DSCAML1: variants seen among roughly 807,000 people sequenced by gnomAD.
The protein encoded by DSCAML1 is DS cell adhesion molecule like 1.
A neutral mutation model predicts 200.5 loss-of-function variants in DSCAML1; 38 were observed. The ratio of observed to expected loss-of-function variants is 0.19; its 90% CI spans 0.15 to 0.25. The LOEUF (loss-of-function observed/expected upper bound fraction) is 0.25, where lower values mean the gene tolerates loss of function less well. Ranked by LOEUF, DSCAML1 falls within the 10% of genes least tolerant of loss-of-function variation. The pLI is 1.00. For synonymous variants in DSCAML1, 1,215 were observed against 1,165.0 expected, an observed-to-expected ratio of 1.04 and a Z score of -0.87; for missense variants, 2,223 against 2,858.8, an observed-to-expected ratio of 0.78 and a Z score of 5.07.
At chr11:117,495,112 C>G (rs1168214813) in intron 11 of DSCAML1, among the ~76,000 whole-genome samples, 1 of 152,168 alleles carries the variant, frequency 6.6e-6, no homozygotes, top group East Asian at 1.9e-4. Context: ...GTAGCCAAGC[C>G]TCTGCCCCAT....
intron 11 of DSCAML1, among the ~76,000 whole-genome samples, chr11:117,497,909 T>A (rs1207389502): frequency 6.6e-6 from 1 of 152,226 alleles, no homozygotes; most frequent in East Asian, 1.9e-4. Flanking sequence ...TGCTTGCAGA[T>A]GCAGCAGAGA....
intron 3 of DSCAML1, among the ~76,000 whole-genome samples, chr11:117,577,594 C>G (rs1194320752): frequency 1.4e-5 from 2 of 143,464 alleles, no homozygotes; most frequent in South Asian, 2.3e-4. Context: ...TTTGACGGAG[C>G]CTCGCTCTGT....
intron 3 of DSCAML1, among the ~76,000 whole-genome samples, chr11:117,664,316 G>A (rs1471615895): frequency 6.6e-6 from 1 of 152,208 alleles, no homozygotes; most frequent in African/African-American, 2.4e-5. Context: ...TTTCTGAGCA[G>A]GTATTTTTAT....
rs1291019267 is a variant in DSCAML1, at chr11:117,645,245, G to A, written c.512-112723C>T. Among the ~76,000 whole-genome samples, 3 of 152,154 alleles carry A rather than the reference G, an allele frequency of 2.0e-5. No individual in the cohort carries two copies. The East Asian group carries it at 5.8e-4, about 29-fold the overall frequency. On this transcript the variant is annotated intron_variant, in intron 3 of 32. Transcript: ENST00000651296. ...CCCTCCCAGTTTGATGGATAAGAAC[G>A]AGTTCCAGAGAGAGAAAGGGGGTTT... is the stretch of plus-strand genomic sequence containing the variant.
intron 20 of DSCAML1, among the ~76,000 whole-genome samples, chr11:117,448,636 T>TG (rs138755967): frequency 0.18 from 14,553 of 80,704 alleles, 1,001 homozygotes; most frequent in Middle Eastern, 0.27. Context: ...TGTGTGTGTG[T>TG]GTGGGGGGTG....
intron 3 of DSCAML1, 106 bp downstream of exon 3, chr11:117,776,685 A>C: frequency 7.2e-7 from 1 of 1,385,076 alleles, no homozygotes; most frequent in East Asian, 2.3e-5. Context: ...CCCAGAGCCA[A>C]CCTCAAGATC....
At chr11:117,663,810 AGAAG>A (rs1290849797) in intron 3 of DSCAML1, among the ~76,000 whole-genome samples, 1 of 152,232 alleles carries the variant, frequency 6.6e-6, no homozygotes, top group Non-Finnish European at 1.5e-5. Context: ...GAAAAAAGAA[AGAAG>A]GAAGGAAAAC....
rs1382518224 is a variant in DSCAML1 at position 117,780,300 on chromosome 11, GAA to G, written c.364+191_364+192del. Among the ~76,000 whole-genome samples the G allele has an allele frequency of 8.0e-5, 9 of 112,034 alleles. No homozygotes were observed. The East Asian group carries it at 8.4e-4, about 10-fold the overall frequency. 73.5% of individuals were successfully genotyped at this position (112,034 alleles called of 152,430 possible). On this transcript the variant is annotated intron_variant, in intron 2 of 32. Transcript: ENST00000651296. This position sits in a 1 kb window ranked among gnomAD's most constrained non-coding sequence, Gnocchi z 4.8. ...AGAAAGAAAGAAAGAAAGAAAGAAA[GAA>G]AGAGAGAAAGGAGAAAGAAAGGTGT...
intron 3 of DSCAML1, among the ~76,000 whole-genome samples, chr11:117,562,040 G>C (rs1240572658): frequency 6.6e-6 from 1 of 152,212 alleles, no homozygotes; most frequent in African/African-American, 2.4e-5. Context: ...AGGAGGCGTA[G>C]ACTCACAGCC....
intron 3 of DSCAML1, among the ~76,000 whole-genome samples, chr11:117,710,749 G>A (rs921339128): frequency 2.6e-5 from 4 of 152,206 alleles, no homozygotes; most frequent in African/African-American, 9.6e-5. Flanking sequence ...AATGGTAGCT[G>A]TTAGGCAATG....
At chr11:117,640,988 C>T (rs942061422) in intron 3 of DSCAML1, among the ~76,000 whole-genome samples, 22 of 152,340 alleles carry the variant, frequency 1.4e-4, no homozygotes, top group African/African-American at 3.8e-4. Flanking sequence ...ATAGCCGTAA[C>T]TCTTGAAAAA....
chr11:117,695,988 A>C (rs1231156234), intron 3 of DSCAML1, among the ~76,000 whole-genome samples: 1 of 152,240 alleles, frequency 6.6e-6, no homozygotes, highest in Non-Finnish European at 1.5e-5. Flanking sequence ...GGTTTAGTGA[A>C]AAGGGCCATT....
intron 21 of DSCAML1, among the ~76,000 whole-genome samples, chr11:117,443,056 C>T (rs1436509873): frequency 1.3e-5 from 2 of 152,290 alleles, no homozygotes; most frequent in African/African-American, 4.8e-5. Context: ...TGAGTGGCCC[C>T]GGTAGGCTGG....
chr11:117,539,999 A>G (rs1049579196), intron 3 of DSCAML1, among the ~76,000 whole-genome samples: 1 of 152,266 alleles, frequency 6.6e-6, no homozygotes. Flanking sequence ...TGAGGACATT[A>G]TCCTAAGTGA....
At chr11:117,580,123 G>T (rs2137458753) in intron 3 of DSCAML1, among the ~76,000 whole-genome samples, 1 of 152,314 alleles carries the variant, frequency 6.6e-6, no homozygotes, top group Non-Finnish European at 1.5e-5. Flanking sequence ...TGAATAGATG[G>T]TCTTCTCATG....
Position 117,757,620 on chromosome 11 carries a change from A to T in DSCAML1, c.511+19171T>A, listed in dbSNP as rs981800189. On this transcript the variant is annotated intron_variant, in intron 3 of 32. Transcript: ENST00000651296. Reference sequence around the variant, plus strand: ...CACACACACACACACACACACACACAATTATTTTTCCACCTAACATCATAT... The same window carrying T: ...CACACACACACACACACACACACACTATTATTTTTCCACCTAACATCATAT... 4.5e-4 allele frequency among the ~76,000 whole-genome samples: 63 copies of T among 139,392 alleles called. 1 individual carries two copies. The South Asian group carries it at 0.014, about 31-fold the overall frequency. 91.4% of individuals were successfully genotyped at this position (139,392 alleles called of 152,430 possible). A position where few individuals can be genotyped will look rare whatever the true frequency, so the allele number is the denominator to read the frequency against.
chr11:117,810,284 G>A (rs1184138209), intron 1 of DSCAML1, among the ~76,000 whole-genome samples: 1 of 152,074 alleles, frequency 6.6e-6, no homozygotes, highest in Non-Finnish European at 1.5e-5. Context: ...CTGGGGGAGG[G>A]GCAAGTACCC....
chr11:117,457,173 A>C (rs1193790349), intron 19 of DSCAML1, among the ~76,000 whole-genome samples: 2 of 152,212 alleles, frequency 1.3e-5, no homozygotes, highest in African/African-American at 4.8e-5. Flanking sequence ...TGTATTTACC[A>C]GCGCCTTTTC....
At chr11:117,574,587 C>T (rs76779938) in intron 3 of DSCAML1, among the ~76,000 whole-genome samples, 2,163 of 152,174 alleles carry the variant, frequency 0.014, 39 homozygotes, top group African/African-American at 0.048. Context: ...CTCTGTGGTG[C>T]CTCCCCTTAT....
Sources: allele counts gnomAD v4.1 joint callset (sites outside exome capture counted in the v4.1 genomes callset), GRCh38; gene constraint gnomAD v4.1.1; non-coding constraint Gnocchi (gnomAD v3.1); transcripts MANE v1.5; gene names NCBI Gene and HGNC (gene_info 2026-07-23, HGNC 2026-07-21).